Variants in KATNIP observed in about 807,000 individuals in gnomAD.
KATNIP encodes the protein katanin interacting protein.
KATNIP carries 126 observed loss-of-function variants against 174.0 expected under a neutral mutation model. The observed-to-expected ratio is 0.72, with a 90% CI of 0.63 to 0.84. The LOEUF (loss-of-function observed/expected upper bound fraction) is 0.84, where lower values mean the gene tolerates loss of function less well. Ranked by LOEUF, KATNIP falls within the 40% of genes least tolerant of loss-of-function variation. The pLI, the probability that KATNIP is intolerant of heterozygous loss-of-function variation, is 0.00. For synonymous variants in KATNIP, 810 were observed against 835.7 expected (o/e 0.97, Z 0.53); for missense variants, 1,958 against 2,109.7 (o/e 0.93, Z 1.41).
intron 12 of KATNIP, among the ~76,000 whole-genome samples, 169 bp downstream of exon 12, chr16:27,704,167 G>T (rs779517597): frequency 6.6e-6 from 1 of 151,406 alleles, no homozygotes; most frequent in African/African-American, 2.4e-5. Context: ...ATGAAGAGCA[G>T]GGGTAGAGAA....
chr16:27,731,520 G>A (rs2143274994), intron 14 of KATNIP, among the ~76,000 whole-genome samples: 1 of 152,334 alleles, frequency 6.6e-6, no homozygotes, highest in South Asian at 2.1e-4. Context: ...CCATTTTACA[G>A]ATGGGGAAAC....
At chr16:27,775,963 T>C (rs901221452) in intron 24 of KATNIP, among the ~76,000 whole-genome samples, 2 of 152,186 alleles carry the variant, frequency 1.3e-5, no homozygotes, top group African/African-American at 2.4e-5. Context: ...GCAACAGAGC[T>C]CTGTCCTCCC....
intron 15 of KATNIP, 79 bp from the exon 16 acceptor site, chr16:27,749,505 C>G: frequency 6.8e-7 from 1 of 1,472,640 alleles, no homozygotes; most frequent in Non-Finnish European, 9.0e-7. Context: ...AGAGCCACCA[C>G]AGGAGACAGT....
At chr16:27,650,362 G>C (rs979056202) in intron 6 of KATNIP, among the ~76,000 whole-genome samples, 2 of 152,218 alleles carry the variant, frequency 1.3e-5, no homozygotes, top group Non-Finnish European at 2.9e-5. Flanking sequence ...CCAGGGTGGA[G>C]GTAGGAGTGG....
At chr16:27,621,319 C>T (rs191266884) in intron 3 of KATNIP, among the ~76,000 whole-genome samples, 2 of 152,068 alleles carry the variant, frequency 1.3e-5, no homozygotes, top group Non-Finnish European at 2.9e-5. Context: ...TACTCTTGGC[C>T]TCAGGCATAG....
intron 5 of KATNIP, chr16:27,632,749 T>C: frequency 2.8e-6 from 1 of 356,668 alleles, no homozygotes; most frequent in Non-Finnish European, 5.9e-6. Context: ...GATTTCTTTC[T>C]TTTTTTTTTT....
intron 1 of KATNIP, among the ~76,000 whole-genome samples, chr16:27,557,035 C>G (rs542956937): frequency 6.6e-6 from 1 of 152,250 alleles, no homozygotes; most frequent in African/African-American, 2.4e-5. Flanking sequence ...CATTTCAGTG[C>G]CTTCCGTGCA....
chr16:27,591,718 C>G (rs2075172775), intron 2 of KATNIP, among the ~76,000 whole-genome samples: 1 of 152,180 alleles, frequency 6.6e-6, no homozygotes, highest in Non-Finnish European at 1.5e-5. Context: ...CTTCATCTGT[C>G]TTAGTCTGAG....
Position 27,604,775 on chromosome 16 carries a change from T to A in KATNIP, c.64-13650T>A, listed in dbSNP as rs548409761. On this transcript the variant is annotated intron_variant, in intron 2 of 27. Coordinates refer to ENST00000261588, the MANE Select transcript of KATNIP (RefSeq NM_015202.5). ...TGTGTTTCCCAGTGTGTGTTTTGCC[T>A]ACCTCTGCCACCTTGTAGGTGGCAA... Among the ~76,000 whole-genome samples, 50 of 152,344 alleles carry A rather than the reference T, an allele frequency of 3.3e-4. 1 individual carries two copies. In the South Asian group the frequency reaches 9.9e-3, roughly 30 times the overall value.
At chr16:27,729,993 A>C (rs1007403126) in intron 14 of KATNIP, among the ~76,000 whole-genome samples, 1 of 152,242 alleles carries the variant, frequency 6.6e-6, no homozygotes, top group African/African-American at 2.4e-5. Context: ...AGTTGCCCCA[A>C]GCCCAGGCGT....
At chr16:27,713,767 G>GTGTGTGTA (rs1567336386) in intron 13 of KATNIP, among the ~76,000 whole-genome samples, 79 of 2,014 alleles carry the variant, frequency 0.039, 4 homozygotes, top group Admixed American at 0.058. Context: ...GTGTGTATAT[G>GTGTGTGTA]TATATATACA....
chr16:27,550,289 C>A (rs868361733), intron 1 of KATNIP, 112 bp downstream of exon 1: 4 of 1,226,704 alleles, frequency 3.3e-6, no homozygotes, highest in Non-Finnish European at 4.6e-6. Context: ...ACTTCCTGAC[C>A]CAAGGGGGTC....
At position 27,628,647 on chromosome 16, in the gene KATNIP, C is replaced by T. The variant is rs200321958; in HGVS notation, c.141-14C>T. 13 of 1,613,228 alleles carry T rather than the reference C, an allele frequency of 8.1e-6. No individual in the cohort carries two copies. Among genetic ancestry groups the T allele is most frequent in the Admixed American group, 1.7e-5 (1 of 59,976 alleles). ...CAAATGATGAGGAGGAACAACCCAC[C>T]GTTTCTCTTTCAGGATATTAAAGCA... On this transcript the variant is annotated splice_polypyrimidine_tract_variant and intron_variant, in intron 3 of 27. Coordinates refer to ENST00000261588, the MANE Select transcript of KATNIP (RefSeq NM_015202.5).
chr16:27,740,953 C>G, intron 15 of KATNIP, 33 bp downstream of exon 15: 1 of 1,551,294 alleles, frequency 6.4e-7, no homozygotes, highest in Non-Finnish European at 8.7e-7. Context: ...ACTTGGGCAT[C>G]ATCATCCCAG....
chr16:27,769,610 G>T (rs2082230127), intron 20 of KATNIP, among the ~76,000 whole-genome samples: 1 of 152,248 alleles, frequency 6.6e-6, no homozygotes, highest in South Asian at 2.1e-4. Flanking sequence ...CGAGGCCTTG[G>T]CCAAGTCACG....
At chr16:27,572,717 A>G (rs2090353816) in intron 1 of KATNIP, among the ~76,000 whole-genome samples, 1 of 152,210 alleles carries the variant, frequency 6.6e-6, no homozygotes, top group South Asian at 2.1e-4. Context: ...GGGGAGAGGA[A>G]GAGAGAGGAG....
At position 27,740,355 on chromosome 16, in the gene KATNIP, T is replaced by C. The variant is rs766968554; in HGVS notation, c.2058T>C (p.Asn686=). 1.8e-5 allele frequency: 29 copies of C among 1,614,084 alleles called. No homozygotes were observed. Among genetic ancestry groups the C allele is most frequent in the Non-Finnish European group, 2.2e-5 (26 of 1,180,042 alleles). The change falls in exon 15 of 28, where the codon AAT becomes AAC. Residue 686 remains asparagine (N), a synonymous_variant. Transcript: ENST00000261588. Reference sequence around the variant, plus strand: ...CTGGCAAAAGAAAGAATTCTACTAATTGCAGGAAAGACAGTTTGTCCCAGT... The same window carrying C: ...CTGGCAAAAGAAAGAATTCTACTAACTGCAGGAAAGACAGTTTGTCCCAGT... ...NVSGKRKNST[N]CRKDSLSQLE...
intron 6 of KATNIP, among the ~76,000 whole-genome samples, chr16:27,669,995 A>G (rs945755034): frequency 1.3e-5 from 2 of 152,124 alleles, no homozygotes; most frequent in Non-Finnish European, 2.9e-5. Context: ...GCCTATATAT[A>G]TTTTGCAAAT....
chr16:27,768,994 C>T (rs2082209890), intron 20 of KATNIP, among the ~76,000 whole-genome samples: 4 of 152,256 alleles, frequency 2.6e-5, no homozygotes, highest in Admixed American at 2.6e-4. Flanking sequence ...GCTGTTGCCC[C>T]TCCCTGCCCA....
Sources: gnomAD v4.1 joint callset for allele counts (sites outside exome capture counted in the v4.1 genomes callset) on GRCh38, gnomAD v4.1.1 for gene constraint, MANE v1.5 for transcripts, NCBI Gene and HGNC (gene_info 2026-07-23, HGNC 2026-07-21) for gene names.